The following XPO1 variants were observed in gnomAD, a reference collection of about 807,000 sequenced individuals.
XPO1 encodes the protein exportin-1.
A neutral mutation model predicts 133.3 loss-of-function variants in XPO1; 5 were observed. The ratio of observed to expected loss-of-function variants is 0.04; its 90% CI spans 0.02 to 0.08. The LOEUF (loss-of-function observed/expected upper bound fraction) is 0.08. Ranked by LOEUF, XPO1 falls within the 10% of genes least tolerant of loss-of-function variation. The pLI is 1.00. For synonymous variants in XPO1, 419 were observed against 408.2 expected, an observed-to-expected ratio of 1.03 and a Z score of -0.32; for missense variants, 506 against 1,267.5, an observed-to-expected ratio of 0.40 and a Z score of 9.12.
chr2:61,504,092 G>C (rs183712009), intron 4 of XPO1, among the ~76,000 whole-genome samples: 22 of 152,218 alleles, frequency 1.4e-4, no homozygotes, highest in Admixed American at 1.2e-3. Flanking sequence ...TACATTAATT[G>C]CAACATTAAG....
chr2:61,522,741 A>G (rs2104753021), intron 3 of XPO1, 58 bp from the exon 4 acceptor site: 2 of 1,261,822 alleles, frequency 1.6e-6, no homozygotes, highest in Admixed American at 1.8e-5. Context: ...GGCAACTCTC[A>G]GGATTCACAA....
In XPO1 at chr2:61,529,380, G is replaced by A. The variant is rs769075494; in HGVS notation, c.127-2859C>T. Among the ~76,000 whole-genome samples, 4 of 152,146 alleles carry A rather than the reference G, an allele frequency of 2.6e-5. No individual in the cohort carries two copies. The South Asian group carries it at 8.3e-4, about 31-fold the overall frequency. On this transcript the variant is annotated intron_variant, in intron 2 of 24. Transcript: ENST00000401558. ...TTTTAAAACAATCGTATGCTCGGGT[G>A]GGCACCGTGGCTCACGCCTGTAATC...
At chr2:61,507,199 G>A (rs901469247) in intron 4 of XPO1, among the ~76,000 whole-genome samples, 4 of 136,414 alleles carry the variant, frequency 2.9e-5, no homozygotes, top group Non-Finnish European at 4.6e-5. Flanking sequence ...AGCCAAGATT[G>A]TGCCACTGCA....
chr2:61,528,138 G>T (rs949385208), intron 2 of XPO1, among the ~76,000 whole-genome samples: 2 of 151,794 alleles, frequency 1.3e-5, no homozygotes, highest in African/African-American at 2.4e-5. Flanking sequence ...TATTGGCCAG[G>T]CTGGTCTTGA....
At chr2:61,519,740 A>G (rs1262757839) in intron 4 of XPO1, among the ~76,000 whole-genome samples, 1 of 150,874 alleles carries the variant, frequency 6.6e-6, no homozygotes, top group East Asian at 1.9e-4. Flanking sequence ...GTAAAAATTA[A>G]CATGCTGTGG....
chr2:61,530,503 CAG>C (rs1036749418), intron 2 of XPO1, among the ~76,000 whole-genome samples: 15 of 152,074 alleles, frequency 9.9e-5, no homozygotes, highest in Non-Finnish European at 1.9e-4. Flanking sequence ...AGATCTTTAA[CAG>C]AACACAATAT....
chr2:61,506,598 CAAAA>C (rs71405128), intron 4 of XPO1, among the ~76,000 whole-genome samples: 3 of 81,406 alleles, frequency 3.7e-5, no homozygotes, highest in East Asian at 4.2e-4. Flanking sequence ...GATTCCGTCT[CAAAA>C]AAAAAAAAAA....
At chr2:61,486,005 A>C (rs183432909) in intron 19 of XPO1, 43 bp from the exon 20 acceptor site, 1 of 1,520,290 alleles carries the variant, frequency 6.6e-7, no homozygotes, top group Non-Finnish European at 8.9e-7. Flanking sequence ...ATTTAGGTAC[A>C]TGGTGACTAT....
At position 61,533,858 on chromosome 2, in the gene XPO1, G is replaced by A. The variant is rs769916613; in HGVS notation, c.40C>T (p.Arg14Cys). Residue 14 changes from arginine to cysteine, a missense_variant, in exon 2 of 25, where the codon CGT (arginine) becomes TGT (cysteine). Physicochemically the swap from Arg to Cys is radical, Grantham distance 180. Transcript: ENST00000401558. ...TTTTGGCTGAAATCAAGCAGCTGACGAGCTGCATGGTCTGCTAACATTGTC... is the reference window on the plus strand; with the variant it reads ...TTTTGGCTGAAATCAAGCAGCTGACAAGCTGCATGGTCTGCTAACATTGTC... ...IMTMLADHAA[R>C]QLLDFSQKLD... The A allele has an allele frequency of 1.9e-6, 3 of 1,607,318 alleles. No individual in the cohort carries two copies. Among genetic ancestry groups the A allele is most frequent in the Non-Finnish European group, 2.5e-6 (3 of 1,177,400 alleles).
At chr2:61,485,482 C>A (rs553679474) in intron 20 of XPO1, 5 of 162,146 alleles carry the variant, frequency 3.1e-5, no homozygotes, top group African/African-American at 8.2e-5. Flanking sequence ...GACCCCCCCC[C>A]CCACTTCAGC....
rs751107241 is a variant in XPO1 at position 61,492,161 on chromosome 2, A to G, written c.1761T>C (p.Thr587=). 3.7e-6 allele frequency: 6 copies of G among 1,614,236 alleles called. No individual in the cohort carries two copies. In the Admixed American group the frequency reaches 5.0e-5, roughly 13 times the overall value. ...GGCATTTTTGGGCTATTTTAATGAA[A>G]GTATCACAAGCCATATCCTGGACTC... is the stretch of plus-strand genomic sequence containing the variant. The part of the protein sequence containing the change: ...HDGVQDMACD[T]FIKIAQKCRR... Residue 587 remains threonine, a synonymous_variant, in exon 16 of 25, where the codon ACT becomes ACC. Coordinates refer to ENST00000401558, the MANE Select transcript of XPO1 (RefSeq NM_003400.4). This position sits in a 1 kb window ranked among gnomAD's most constrained non-coding sequence, Gnocchi z 5.6.
chr2:61,522,822 T>C, intron 3 of XPO1, 139 bp from the exon 4 acceptor site: 2 of 651,274 alleles, frequency 3.1e-6, no homozygotes, highest in Non-Finnish European at 5.4e-6. Flanking sequence ...ATTACACATA[T>C]TAAACAAGTA....
At chr2:61,483,760 C>A in intron 21 of XPO1, 177 bp downstream of exon 21, 1 of 644,846 alleles carries the variant, frequency 1.6e-6, no homozygotes, top group Admixed American at 3.2e-5. Flanking sequence ...TGCCTATGGA[C>A]TCACTTGGAG....
intron 3 of XPO1, among the ~76,000 whole-genome samples, chr2:61,523,798 C>T (rs539874938): frequency 3.0e-4 from 46 of 152,178 alleles, no homozygotes; most frequent in Admixed American, 6.5e-4. Flanking sequence ...TGTGCTCAAA[C>T]AGTGAATGTT....
chr2:61,484,346 G>T, intron 20 of XPO1: 1 of 431,888 alleles, frequency 2.3e-6, no homozygotes, highest in South Asian at 3.2e-5. Flanking sequence ...TTTTAATAGA[G>T]AACTCATCTA....
At chr2:61,531,949 C>G (rs1040485702) in intron 2 of XPO1, among the ~76,000 whole-genome samples, 2 of 152,126 alleles carry the variant, frequency 1.3e-5, no homozygotes, top group Non-Finnish European at 2.9e-5. Flanking sequence ...TTAGCGTTTC[C>G]ATGGACCTTT....
Position 61,478,202 on chromosome 2 carries a change from C to CA in XPO1, c.*617dup, listed in dbSNP as rs1696153648. 4.3e-6 allele frequency: 1 copy of CA among 233,336 alleles called. No homozygotes were observed. Among genetic ancestry groups the CA allele is most frequent in the South Asian group, 1.8e-4 (1 of 5,518 alleles). The allele number at this position is 233,336 out of a possible 1,614,324, so 14.5% of individuals were successfully genotyped here. ...AAGCGACAGCACACACACACAAAAA[C>CA]AAAAAGAACTGTGTAAAAATAACTA... On this transcript the variant is annotated 3_prime_UTR_variant, in exon 25 of 25. Coordinates refer to ENST00000401558, the MANE Select transcript of XPO1 (RefSeq NM_003400.4).
At chr2:61,536,304 AAC>A (rs1271662857) in intron 1 of XPO1, 3 of 152,264 alleles carry the variant, frequency 2.0e-5, no homozygotes, top group African/African-American at 7.2e-5. Flanking sequence ...TCTTTCCACT[AAC>A]AGCAGTGTCC....
chr2:61,533,690 G>C, intron 2 of XPO1, 82 bp downstream of exon 2: 4 of 1,314,886 alleles, frequency 3.0e-6, no homozygotes, highest in Non-Finnish European at 4.0e-6. Context: ...TTTTTTAAAG[G>C]TGATAATTTA....
Sources: gnomAD v4.1 joint callset for allele counts (sites outside exome capture counted in the v4.1 genomes callset) on GRCh38, gnomAD v4.1.1 for gene constraint, Gnocchi (gnomAD v3.1) non-coding constraint, MANE v1.5 for transcripts, NCBI Gene and HGNC (gene_info 2026-07-23, HGNC 2026-07-21) for gene names.